PTPRM: variants seen among roughly 807,000 people sequenced by gnomAD.
PTPRM encodes the protein receptor-type tyrosine-protein phosphatase mu.
A neutral mutation model predicts 186.7 loss-of-function variants in PTPRM; 47 were observed. The ratio of observed to expected loss-of-function variants is 0.25; its 90% CI spans 0.20 to 0.32. PTPRM has a LOEUF of 0.32. Among genes scored for constraint, PTPRM ranks in the 10% least tolerant of loss-of-function variants. PTPRM has a pLI of 1.00. For synonymous variants in PTPRM, 668 were observed against 674.9 expected (o/e 0.99, Z 0.16); for missense variants, 1,494 against 1,865.0 (o/e 0.80, Z 3.66).
At chr18:7,937,956 G>T (rs1397208578) in intron 5 of PTPRM, among the ~76,000 whole-genome samples, 1 of 152,072 alleles carries the variant, frequency 6.6e-6, no homozygotes, top group East Asian at 1.9e-4. Flanking sequence ...TTTGCTTTCT[G>T]GTGTGATGAC....
chr18:8,049,229 A>C (rs1275122634), intron 7 of PTPRM: 1 of 152,176 alleles, frequency 6.6e-6, no homozygotes. Flanking sequence ...TCTAATTTTG[A>C]GTGTAGCAGT....
At chr18:8,114,696 T>A in intron 12 of PTPRM, 95 bp from the exon 13 acceptor site, 1 of 975,880 alleles carries the variant, frequency 1.0e-6, no homozygotes, top group South Asian at 1.4e-5. Context: ...GTGAGATCCT[T>A]CCTTATCAGT....
chr18:7,827,035 G>A (rs566263852), intron 2 of PTPRM, among the ~76,000 whole-genome samples: 29 of 152,300 alleles, frequency 1.9e-4, no homozygotes, highest in African/African-American at 5.8e-4. Flanking sequence ...CCAGGAGGTC[G>A]AGGCTGCAGT....
chr18:8,323,824 G>T (rs1424884280), intron 22 of PTPRM, among the ~76,000 whole-genome samples: 4 of 151,964 alleles, frequency 2.6e-5, no homozygotes, highest in African/African-American at 7.3e-5. Flanking sequence ...TGTGCACTCT[G>T]GCCCAAATGT....
intron 2 of PTPRM, among the ~76,000 whole-genome samples, chr18:7,869,362 C>T (rs114273141): frequency 0.058 from 8,827 of 152,234 alleles, 258 homozygotes; most frequent in Middle Eastern, 0.12. Context: ...CTGTGGGTTG[C>T]AAAGACTGTG....
Position 8,394,468 on chromosome 18 carries a change from C to T in PTPRM, c.4209-8C>T. 6.2e-7 allele frequency: 1 copy of T among 1,603,086 alleles called. No homozygotes were observed. The highest frequency in any genetic ancestry group is 8.5e-7 in the Non-Finnish European group (1 of 1,174,586). Reference sequence around the variant, plus strand: ...CCGAGTGCAGTCATCTGATCTTTTTCACGACAGGAACGGGGGAGGCCGCAG... The same window carrying T: ...CCGAGTGCAGTCATCTGATCTTTTTTACGACAGGAACGGGGGAGGCCGCAG... On this transcript the variant is annotated splice_region_variant and splice_polypyrimidine_tract_variant and intron_variant, in intron 31 of 32. Transcript: ENST00000580170.
intron 7 of PTPRM, among the ~76,000 whole-genome samples, chr18:8,031,978 G>T (rs953588891): frequency 7.2e-5 from 11 of 152,192 alleles, no homozygotes; most frequent in African/African-American, 2.7e-4. Context: ...CAGTTATTCA[G>T]TATTAGGGAA....
At chr18:7,679,380 T>A (rs2039425926) in intron 1 of PTPRM, among the ~76,000 whole-genome samples, 1 of 152,162 alleles carries the variant, frequency 6.6e-6, no homozygotes, top group Non-Finnish European at 1.5e-5. Context: ...TTGGGCATAC[T>A]GGGCTGGGGT....
intron 7 of PTPRM, among the ~76,000 whole-genome samples, chr18:7,965,033 C>CTTT (rs569596603): frequency 4.2e-5 from 5 of 120,220 alleles, no homozygotes; most frequent in Non-Finnish European, 6.7e-5. Flanking sequence ...CACTCTAACA[C>CTTT]TTTTTTTTTT....
intron 11 of PTPRM, among the ~76,000 whole-genome samples, chr18:8,108,556 A>G (rs1417319756): frequency 6.6e-6 from 1 of 152,214 alleles, no homozygotes; most frequent in East Asian, 1.9e-4. Context: ...GGAACTCGAA[A>G]GTTAGGAAAA....
intron 14 of PTPRM, among the ~76,000 whole-genome samples, chr18:8,218,350 T>C (rs1297353774): frequency 2.0e-5 from 3 of 150,120 alleles, no homozygotes. Flanking sequence ...GTCAGTTTTG[T>C]CAAACAAATT....
intron 7 of PTPRM, among the ~76,000 whole-genome samples, chr18:8,052,565 A>G (rs568150959): frequency 2.0e-5 from 3 of 152,250 alleles, no homozygotes; most frequent in South Asian, 2.1e-4. Flanking sequence ...AGTGCACTCT[A>G]TGATGTTCAC....
At chr18:8,401,095 C>T (rs1385188888) in intron 32 of PTPRM, among the ~76,000 whole-genome samples, 1 of 152,040 alleles carries the variant, frequency 6.6e-6, no homozygotes, top group African/African-American at 2.4e-5. Flanking sequence ...TCAGCACCAG[C>T]CAAGCGCCTG....
At chr18:8,173,652 G>T (rs2093438234) in intron 14 of PTPRM, among the ~76,000 whole-genome samples, 1 of 152,220 alleles carries the variant, frequency 6.6e-6, no homozygotes, top group Non-Finnish European at 1.5e-5. Context: ...AGAGGCTGGG[G>T]TGTTTCAAGA....
At chr18:7,966,101 G>A (rs1359846597) in intron 7 of PTPRM, among the ~76,000 whole-genome samples, 1 of 152,104 alleles carries the variant, frequency 6.6e-6, no homozygotes, top group East Asian at 1.9e-4. Flanking sequence ...TTAATTTTAA[G>A]AATATAAATA....
At chr18:7,619,427 T>G (rs2037884008) in intron 1 of PTPRM, among the ~76,000 whole-genome samples, 1 of 152,236 alleles carries the variant, frequency 6.6e-6, no homozygotes, top group Non-Finnish European at 1.5e-5. Flanking sequence ...AAGTCTTATT[T>G]GTAAAATAAA....
chr18:7,612,599 A>G (rs936795426), intron 1 of PTPRM, among the ~76,000 whole-genome samples: 3 of 152,226 alleles, frequency 2.0e-5, no homozygotes, highest in South Asian at 4.2e-4. Context: ...CTAAATCCCA[A>G]CTTAATGTTT....
chr18:8,234,617 A>C (rs1395809678), intron 14 of PTPRM, among the ~76,000 whole-genome samples: 1 of 152,126 alleles, frequency 6.6e-6, no homozygotes, highest in Non-Finnish European at 1.5e-5. Flanking sequence ...TTCCAAGAGG[A>C]TATTGAAAAG....
chr18:7,938,354 C>T (rs750611299), intron 5 of PTPRM, among the ~76,000 whole-genome samples: 4 of 152,084 alleles, frequency 2.6e-5, no homozygotes, highest in African/African-American at 4.8e-5. Flanking sequence ...ATTAACCAGC[C>T]GTGTGAATGA....
Sources: gnomAD v4.1 joint callset for allele counts (sites outside exome capture counted in the v4.1 genomes callset) on GRCh38, gnomAD v4.1.1 for gene constraint, MANE v1.5 for transcripts, NCBI Gene and HGNC (gene_info 2026-07-23, HGNC 2026-07-21) for gene names.